Variants in GRM5 observed in about 807,000 individuals in gnomAD.
GRM5 encodes metabotropic glutamate receptor 5.
In GRM5, 19 loss-of-function variants were observed where a neutral mutation model predicts 83.1. The observed-to-expected ratio is 0.23, with a 90% confidence interval of 0.16 to 0.34. The LOEUF (loss-of-function observed/expected upper bound fraction) is 0.34. GRM5 is among the 10% of genes least tolerant of loss of function. The pLI is 1.00. For missense variants in GRM5, 1,160 were observed against 1,588.3 expected (o/e 0.73, Z 4.58); for synonymous variants, 675 against 633.6 (o/e 1.07, Z -0.98).
intron 3 of GRM5, among the ~76,000 whole-genome samples, chr11:88,777,639 G>T (rs115742782): frequency 0.029 from 4,352 of 152,052 alleles, 212 homozygotes; most frequent in African/African-American, 0.1. Context: ...CCTTTTTGTT[G>T]ATGTTGATGC....
chr11:88,951,459 G>A (rs796947170), intron 2 of GRM5, among the ~76,000 whole-genome samples: 9 of 152,342 alleles, frequency 5.9e-5, no homozygotes, highest in African/African-American at 2.2e-4. Flanking sequence ...TGAGCCTGCT[G>A]AACTCTCTAT....
chr11:88,509,279 G>T lies in GRM5; in HGVS notation c.2952C>A (p.Gly984=). Residue 984 remains glycine (G), a synonymous_variant, in exon 10 of 10, where the codon GGC becomes GGA. Coordinates refer to ENST00000305447, the MANE Select transcript of GRM5 (RefSeq NM_001143831.3). The stretch of plus-strand genomic sequence containing the variant: ...GGGACTCGGGCCCGCCTGGGCCGGC[G>T]CCTGCGCAGCCCGCACCGCCCGTGG... The part of the protein sequence containing the change: ...VGATGGAGCA[G]AGPGGPESPD... 6.8e-7 allele frequency: 1 copy of T among 1,464,296 alleles called. No homozygotes were observed. The highest frequency in any genetic ancestry group is 2.4e-4 in the Middle Eastern group (1 of 4,252). The allele number at this position is 1,464,296 out of a possible 1,614,324, so 90.7% of individuals were successfully genotyped here.
At chr11:88,643,536 G>A (rs1013168777) in intron 4 of GRM5, among the ~76,000 whole-genome samples, 7 of 152,100 alleles carry the variant, frequency 4.6e-5, no homozygotes, top group African/African-American at 1.7e-4. Context: ...TCTACAATAA[G>A]ATTAGGGAAT....
At chr11:88,570,243 T>C (rs898625321) in intron 7 of GRM5, among the ~76,000 whole-genome samples, 2 of 152,138 alleles carry the variant, frequency 1.3e-5, no homozygotes, top group African/African-American at 4.8e-5. Flanking sequence ...GAAAATGTAT[T>C]CTTACTCTAA....
chr11:88,509,517 G>T lies in GRM5; in HGVS notation c.2727-13C>A. 1 of 1,604,196 alleles carries T rather than the reference G, an allele frequency of 6.2e-7. No homozygotes were observed. The highest frequency in any genetic ancestry group is 8.5e-7 in the Non-Finnish European group (1 of 1,174,980). On this transcript the variant is annotated splice_polypyrimidine_tract_variant and intron_variant, in intron 9 of 9. Transcript: ENST00000305447. Reference sequence around the variant, plus strand: ...TTTTCCATTGGAACTGAGGAGAGAAGGGAGAGGAAAGGTGACTCAGCGAGG... The same window carrying T: ...TTTTCCATTGGAACTGAGGAGAGAATGGAGAGGAAAGGTGACTCAGCGAGG...
At chr11:88,964,623 G>A (rs1357680050) in intron 2 of GRM5, among the ~76,000 whole-genome samples, 1 of 152,026 alleles carries the variant, frequency 6.6e-6, no homozygotes, top group Non-Finnish European at 1.5e-5. Context: ...TGACAACAAA[G>A]CATGTATCCA....
chr11:88,722,779 G>A (rs142096921), intron 3 of GRM5, among the ~76,000 whole-genome samples: 2,794 of 151,972 alleles, frequency 0.018, 69 homozygotes, highest in Admixed American at 0.077. Flanking sequence ...CCCATATACC[G>A]CCTCATCCCC....
chr11:88,648,593 T>G (rs1939532673), intron 4 of GRM5, among the ~76,000 whole-genome samples: 2 of 144,610 alleles, frequency 1.4e-5, no homozygotes, highest in Non-Finnish European at 3.0e-5. Context: ...GCATGGCACA[T>G]GTATACATAT....
chr11:88,538,713 G>T (rs1360676560), intron 8 of GRM5, among the ~76,000 whole-genome samples: 3 of 152,188 alleles, frequency 2.0e-5, no homozygotes, highest in Admixed American at 2.0e-4. Context: ...GAATGTTCCA[G>T]ACACAATTCT....
intron 7 of GRM5, among the ~76,000 whole-genome samples, chr11:88,569,357 T>C (rs1942937913): frequency 6.6e-6 from 1 of 152,236 alleles, no homozygotes; most frequent in African/African-American, 2.4e-5. Flanking sequence ...TTGAGGAATG[T>C]AGCAGAAATG....
chr11:88,860,984 C>T (rs1232867134), intron 2 of GRM5, among the ~76,000 whole-genome samples: 1 of 151,926 alleles, frequency 6.6e-6, no homozygotes, highest in Non-Finnish European at 1.5e-5. Context: ...AGAAAGAATG[C>T]AAAATATCCC....
chr11:88,999,639 G>A (rs1017840507), intron 2 of GRM5, among the ~76,000 whole-genome samples: 5 of 152,102 alleles, frequency 3.3e-5, no homozygotes, highest in African/African-American at 7.2e-5. Flanking sequence ...CACTGTTGGT[G>A]GGACTGTAAA....
chr11:88,777,957 T>A (rs1029781948), intron 3 of GRM5, among the ~76,000 whole-genome samples: 2 of 152,148 alleles, frequency 1.3e-5, no homozygotes, highest in Admixed American at 1.3e-4. Context: ...AGAGCTCAAA[T>A]GCCATGCTAG....
chr11:88,567,154 C>T lies in GRM5; in HGVS notation c.2529G>A (p.Val843=). Residue 843 remains valine, a synonymous_variant, in exon 8 of 10, where the codon GTG becomes GTA. Coordinates refer to ENST00000305447, the MANE Select transcript of GRM5 (RefSeq NM_001143831.3). The surrounding 1 kb of genome is among the most constrained non-coding windows in gnomAD (Gnocchi z 7.3). ...ACTTGCCATCCCCTACATGCATGCGCACCACGGTAGATGTGGTGAAGGCGC... is the reference window on the plus strand; with the variant it reads ...ACTTGCCATCCCCTACATGCATGCGTACCACGGTAGATGTGGTGAAGGCGC... ...VRSAFTTSTV[V]RMHVGDGKSS... The T allele has an allele frequency of 6.2e-7, 1 of 1,614,076 alleles. No individual in the cohort carries two copies. Among genetic ancestry groups the T allele is most frequent in the Non-Finnish European group, 8.5e-7 (1 of 1,179,992 alleles).
intron 2 of GRM5, among the ~76,000 whole-genome samples, chr11:89,021,816 A>T (rs1186379013): frequency 6.6e-6 from 1 of 151,926 alleles, no homozygotes; most frequent in Non-Finnish European, 1.5e-5. Flanking sequence ...AATGTTACTC[A>T]CTCTTTAAGT....
chr11:88,742,556 G>C (rs1942050799), intron 3 of GRM5, among the ~76,000 whole-genome samples: 1 of 151,974 alleles, frequency 6.6e-6, no homozygotes, highest in Non-Finnish European at 1.5e-5. Context: ...CTTAGCAACT[G>C]GGAGTCTCAT....
intron 2 of GRM5, among the ~76,000 whole-genome samples, chr11:88,909,126 T>G (rs534444411): frequency 2.8e-4 from 43 of 152,268 alleles, no homozygotes; most frequent in African/African-American, 9.6e-4. Flanking sequence ...CAACTAAAAT[T>G]AAAGTGGAAC....
At chr11:88,912,118 G>T in intron 2 of GRM5, 1 of 305,370 alleles carries the variant, frequency 3.3e-6, no homozygotes, top group Non-Finnish European at 7.0e-6. Flanking sequence ...CAAATGAAGA[G>T]TATTAGAGCA....
intron 3 of GRM5, among the ~76,000 whole-genome samples, chr11:88,719,080 T>G (rs557337992): frequency 1.3e-5 from 2 of 152,078 alleles, no homozygotes; most frequent in South Asian, 2.1e-4. Context: ...TTTTTTAACT[T>G]TAGTTTAAGT....
Sources: allele counts gnomAD v4.1 joint callset (sites outside exome capture counted in the v4.1 genomes callset), GRCh38; gene constraint gnomAD v4.1.1; non-coding constraint Gnocchi (gnomAD v3.1); transcripts MANE v1.5; gene names NCBI Gene and HGNC (gene_info 2026-07-23, HGNC 2026-07-21).